PPEF1: variants seen among roughly 807,000 people sequenced by gnomAD.
The protein encoded by PPEF1 is protein phosphatase with EF-hand domain 1, also known as serine/threonine-protein phosphatase with EF-hands 1.
A neutral mutation model predicts 53.3 loss-of-function variants in PPEF1; 12 were observed. The ratio of observed to expected loss-of-function variants is 0.23; its 90% confidence interval spans 0.14 to 0.36. The LOEUF (loss-of-function observed/expected upper bound fraction) is 0.36, where lower values mean the gene tolerates loss of function less well. Ranked by LOEUF, PPEF1 falls within the 10% of genes least tolerant of loss-of-function variation. The pLI, the probability that PPEF1 is intolerant of heterozygous loss-of-function variation, is 1.00. For synonymous variants in PPEF1, 165 were observed against 176.7 expected (o/e 0.93, Z 0.52); for missense variants, 334 against 490.4 (o/e 0.68, Z 3.01).
intron 13 of PPEF1, among the ~76,000 whole-genome samples, chrX:18,822,513 CTTTTT>C (rs761471112): frequency 9.8e-6 from 1 of 101,729 alleles, no homozygotes; most frequent in Non-Finnish European, 2.0e-5. Context: ...TATGAGATTT[CTTTTT>C]TTTTTTTTGA....
intron 3 of PPEF1, among the ~76,000 whole-genome samples, chrX:18,749,158 A>T (rs1342852208): frequency 2.7e-5 from 3 of 111,708 alleles, no homozygotes; most frequent in Non-Finnish European, 5.7e-5. Context: ...GCACTCCGTT[A>T]TGTAGAACTG....
At chrX:18,798,579 A>C (rs1022023498) in intron 10 of PPEF1, among the ~76,000 whole-genome samples, 3 of 111,373 alleles carry the variant, frequency 2.7e-5, no homozygotes, top group Non-Finnish European at 5.7e-5. Flanking sequence ...GAGCAGGAGG[A>C]AGGCATTTAA....
At position 18,707,652 on chromosome X, in the gene PPEF1, T is replaced by G. The variant is rs2044229769; in HGVS notation, c.-129T>G. 2 of 566,430 alleles carry G rather than the reference T, an allele frequency of 3.5e-6. No homozygotes were observed. The highest frequency in any genetic ancestry group is 2.3e-5 in the African/African-American group (1 of 44,116). 46.7% of individuals were successfully genotyped at this position (566,430 alleles called of 1,213,427 possible). ...TCCTTCCCTCCCTCCTGTGTATTCC[T>G]CATTAGAATCTATGACTGAAGAGGA... is the stretch of plus-strand genomic sequence containing the variant. On this transcript the variant is annotated 5_prime_UTR_variant, in exon 1 of 16. Transcript: ENST00000470157.
chrX:18,709,704 G>A (rs1415399191), intron 1 of PPEF1, among the ~76,000 whole-genome samples: 1 of 110,321 alleles, frequency 9.1e-6, no homozygotes, highest in Non-Finnish European at 1.9e-5. Flanking sequence ...CACCATGTTG[G>A]CCAGGCTGGT....
intron 10 of PPEF1, among the ~76,000 whole-genome samples, chrX:18,795,036 G>A (rs929454115): frequency 4.5e-5 from 5 of 112,114 alleles, no homozygotes; most frequent in African/African-American, 6.5e-5. Flanking sequence ...TCCGCTGGGC[G>A]TGGTGGCTCA....
chrX:18,770,930 T>C (rs1175014315), intron 6 of PPEF1, among the ~76,000 whole-genome samples: 2 of 112,816 alleles, frequency 1.8e-5, no homozygotes, highest in African/African-American at 6.4e-5. Context: ...TTATAATAAT[T>C]TGAATCCCTG....
intron 12 of PPEF1, among the ~76,000 whole-genome samples, chrX:18,810,760 T>G (rs1457112964): frequency 8.9e-6 from 1 of 112,393 alleles, no homozygotes; most frequent in Non-Finnish European, 1.9e-5. Context: ...GACCACATTT[T>G]GTTTGTCCAT....
intron 3 of PPEF1, among the ~76,000 whole-genome samples, chrX:18,740,473 G>A (rs188200256): frequency 3.7e-5 from 4 of 107,097 alleles, no homozygotes; most frequent in South Asian, 4.2e-4. Flanking sequence ...GCAGTGGCAC[G>A]GTCTCGGCTC....
intron 9 of PPEF1, among the ~76,000 whole-genome samples, chrX:18,788,111 T>G (rs768443894): frequency 1.8e-4 from 20 of 110,629 alleles, no homozygotes; most frequent in African/African-American, 6.6e-4. Flanking sequence ...GGTCAGGAGA[T>G]CAAGACCATC....
In PPEF1 at chrX:18,809,101, A is replaced by G. The variant is rs868448916; in HGVS notation, c.1394+2556A>G. ...TAGATATATCACATTATATCTATCT[A>G]TCTATCTATCTATCTATCTATCTAT... On this transcript the variant is annotated intron_variant, in intron 12 of 15. Transcript: ENST00000470157. Among the ~76,000 whole-genome samples, 311 of 105,428 alleles carry G rather than the reference A, an allele frequency of 2.9e-3. 1 individual carries two copies. Among genetic ancestry groups the G allele is most frequent in the African/African-American group, 8.9e-3 (256 of 28,753 alleles). 91.6% of individuals were successfully genotyped at this position (105,428 alleles called of 115,157 possible). A position where few individuals can be genotyped will look rare whatever the true frequency, so the allele number is the denominator to read the frequency against.
chrX:18,822,344 C>T (rs749539837), intron 13 of PPEF1, among the ~76,000 whole-genome samples: 1 of 81,422 alleles, frequency 1.2e-5, no homozygotes, highest in East Asian at 3.8e-4. Flanking sequence ...TCTAGTATCA[C>T]AAAATGTGCA....
chrX:18,764,137 G>A (rs1268540214), intron 6 of PPEF1, among the ~76,000 whole-genome samples: 3 of 111,246 alleles, frequency 2.7e-5, no homozygotes, highest in African/African-American at 9.8e-5. Context: ...GAAGTGCAGG[G>A]GGAGCAGTCC....
chrX:18,806,053 C>T (rs771965461), intron 11 of PPEF1, among the ~76,000 whole-genome samples: 1 of 110,500 alleles, frequency 9.0e-6, no homozygotes, highest in South Asian at 3.9e-4. Context: ...GAATGCTCAA[C>T]TATTACAAGG....
At chrX:18,790,849 T>G (rs939546441) in intron 10 of PPEF1, among the ~76,000 whole-genome samples, 7 of 110,222 alleles carry the variant, frequency 6.4e-5, no homozygotes, top group Non-Finnish European at 1.3e-4. Flanking sequence ...TTTTGTATTT[T>G]TAGTAGAGAT....
intron 6 of PPEF1, among the ~76,000 whole-genome samples, chrX:18,762,382 G>A (rs1249864164): frequency 1.8e-5 from 2 of 111,714 alleles, no homozygotes; most frequent in Non-Finnish European, 3.8e-5. Flanking sequence ...CGTAGCGTAG[G>A]TATCTCAGAT....
chrX:18,748,316 A>G (rs1271625683), intron 3 of PPEF1, among the ~76,000 whole-genome samples: 1 of 112,590 alleles, frequency 8.9e-6, no homozygotes, highest in East Asian at 2.8e-4. Flanking sequence ...AACATTTTTC[A>G]CGTTTAGTTC....
intron 1 of PPEF1, among the ~76,000 whole-genome samples, chrX:18,721,038 G>C (rs1442293443): frequency 9.0e-6 from 1 of 111,480 alleles, no homozygotes; most frequent in East Asian, 2.8e-4. Context: ...CCAGCCTCCA[G>C]TTTTATATAG....
At chrX:18,708,290 T>C (rs773650648) in intron 1 of PPEF1, among the ~76,000 whole-genome samples, 1 of 112,132 alleles carries the variant, frequency 8.9e-6, no homozygotes, top group African/African-American at 3.2e-5. Flanking sequence ...TTAAAAATAA[T>C]CTAGGAGAAT....
At chrX:18,687,859 T>G (rs1439862701) in intron 3 of PPEF1, among the ~76,000 whole-genome samples, 1 of 110,247 alleles carries the variant, frequency 9.1e-6, no homozygotes, top group Non-Finnish European at 1.9e-5. Flanking sequence ...TGGCTAATTT[T>G]TGTATTTTTA....
Sources: gnomAD v4.1 joint callset for allele counts (sites outside exome capture counted in the v4.1 genomes callset) on GRCh38, gnomAD v4.1.1 for gene constraint, MANE v1.5 for transcripts, NCBI Gene and HGNC (gene_info 2026-07-23, HGNC 2026-07-21) for gene names.